WDR72: variants seen among roughly 807,000 people sequenced by gnomAD.
WDR72 encodes WD repeat domain 72, also known as WD repeat-containing protein 72.
WDR72 carries 120 observed loss-of-function variants against 124.2 expected under a neutral mutation model. That is an observed-to-expected ratio of 0.97 (90% CI 0.83 to 1.12). The LOEUF (loss-of-function observed/expected upper bound fraction) is 1.12. WDR72 is among the 50% of genes most tolerant of loss of function. The pLI, the probability that WDR72 is intolerant of heterozygous loss-of-function variation, is 0.00. For synonymous variants in WDR72, 452 were observed against 441.7 expected, an observed-to-expected ratio of 1.02 and a Z score of -0.29; for missense variants, 1,387 against 1,278.8, an observed-to-expected ratio of 1.08 and a Z score of -1.29.
intron 13 of WDR72, among the ~76,000 whole-genome samples, chr15:53,681,837 GCA>G (rs920865562): frequency 3.3e-5 from 5 of 150,850 alleles, no homozygotes; most frequent in African/African-American, 7.3e-5. Flanking sequence ...CAATTAAAAT[GCA>G]CACACACACA....
intron 18 of WDR72, among the ~76,000 whole-genome samples, chr15:53,568,876 A>C (rs2140302590): frequency 6.6e-6 from 1 of 152,174 alleles, no homozygotes; most frequent in African/African-American, 2.4e-5. Flanking sequence ...ATTGATACAT[A>C]CAAATTTGTT....
intron 19 of WDR72, among the ~76,000 whole-genome samples, chr15:53,520,763 T>C (rs1424862903): frequency 1.3e-5 from 2 of 152,034 alleles, no homozygotes; most frequent in African/African-American, 2.4e-5. Context: ...CGTTTGGGCT[T>C]TGAAAAGTGA....
chr15:53,674,286 A>G (rs764906720), intron 13 of WDR72, among the ~76,000 whole-genome samples: 1 of 152,240 alleles, frequency 6.6e-6, no homozygotes, highest in Non-Finnish European at 1.5e-5. Context: ...TCAGGTTTCA[A>G]CAAAACCACT....
chr15:53,607,446 T>C (rs1018806341), intron 17 of WDR72, among the ~76,000 whole-genome samples: 9 of 152,128 alleles, frequency 5.9e-5, no homozygotes, highest in African/African-American at 2.2e-4. Context: ...CTTCAATAAA[T>C]GGTGCTGGGA....
intron 18 of WDR72, among the ~76,000 whole-genome samples, chr15:53,555,119 A>G (rs1211090244): frequency 6.6e-6 from 1 of 152,052 alleles, no homozygotes; most frequent in African/African-American, 2.4e-5. Flanking sequence ...TCTGAGATGG[A>G]GAAGCAAAGA....
intron 18 of WDR72, among the ~76,000 whole-genome samples, chr15:53,537,758 G>T (rs2140247900): frequency 6.6e-6 from 1 of 152,104 alleles, no homozygotes; most frequent in East Asian, 1.9e-4. Context: ...CCAGCCTTAA[G>T]GTCAAGACAT....
At chr15:53,706,820 T>C (rs1456323421) in intron 9 of WDR72, among the ~76,000 whole-genome samples, 1 of 152,016 alleles carries the variant, frequency 6.6e-6, no homozygotes, top group Non-Finnish European at 1.5e-5. Context: ...TGTATATACA[T>C]ATATAATGTT....
At chr15:53,615,284 T>C (rs1454039498) in intron 15 of WDR72, 142 bp downstream of exon 15, 2 of 629,456 alleles carry the variant, frequency 3.2e-6, no homozygotes, top group Non-Finnish European at 5.3e-6. Flanking sequence ...TTTTCTTAAA[T>C]GTTTTTTAAA....
intron 18 of WDR72, among the ~76,000 whole-genome samples, chr15:53,562,299 A>G (rs1894151424): frequency 6.6e-5 from 10 of 151,720 alleles, no homozygotes; most frequent in Admixed American, 6.6e-4. Flanking sequence ...CCTGTGGCCT[A>G]GTTTTCTCTT....
chr15:53,684,016 A>T lies in WDR72; in HGVS notation c.1765+15734T>A, dbSNP rs2016500309. On this transcript the variant is annotated intron_variant, in intron 13 of 19. Coordinates refer to ENST00000360509, the MANE Select transcript of WDR72 (RefSeq NM_182758.4). ...TAACATTTGTAAATAAAATGCATAT[A>T]ATAAAGGATATCAATTAATTTTTAA... 1.3e-5 allele frequency: 2 copies of T among 152,198 alleles called. 1 individual carries two copies. Among genetic ancestry groups the T allele is most frequent in the Non-Finnish European group, 2.9e-5 (2 of 68,028 alleles). The allele number at this position is 152,198 out of a possible 1,614,324, so 9.4% of individuals were successfully genotyped here. A position where few individuals can be genotyped will look rare whatever the true frequency, so the allele number is the denominator to read the frequency against.
intron 18 of WDR72, among the ~76,000 whole-genome samples, chr15:53,581,068 C>CT (rs5812695): frequency 0.34 from 52,333 of 151,898 alleles, 9,551 homozygotes; most frequent in East Asian, 0.49. Flanking sequence ...CATTGACTGA[C>CT]TTATGCTCTC....
At chr15:53,653,578 G>A (rs2015315985) in intron 14 of WDR72, among the ~76,000 whole-genome samples, 4 of 152,078 alleles carry the variant, frequency 2.6e-5, no homozygotes, top group Admixed American at 2.6e-4. Flanking sequence ...TGTAGTTGAC[G>A]TTTTTCATCT....
chr15:53,674,382 C>T (rs1290108880), intron 13 of WDR72, among the ~76,000 whole-genome samples: 1 of 152,198 alleles, frequency 6.6e-6, no homozygotes, highest in African/African-American at 2.4e-5. Flanking sequence ...TTCAGTTACT[C>T]ATGAAGTTCA....
At chr15:53,624,465 A>G (rs2014127660) in intron 14 of WDR72, among the ~76,000 whole-genome samples, 1 of 152,168 alleles carries the variant, frequency 6.6e-6, no homozygotes, top group Admixed American at 6.6e-5. Flanking sequence ...GATCTCCTCA[A>G]CTTCTGGGCC....
At chr15:53,716,492 A>T (rs764098322) in intron 4 of WDR72, 115 bp downstream of exon 4, 879 of 805,656 alleles carry the variant, frequency 1.1e-3, no homozygotes, top group Non-Finnish European at 1.7e-3. Flanking sequence ...TCATGACAAA[A>T]TAAAAATTCA....
At chr15:53,662,714 T>G (rs1194642416) in intron 14 of WDR72, among the ~76,000 whole-genome samples, 1 of 152,084 alleles carries the variant, frequency 6.6e-6, no homozygotes, top group African/African-American at 2.4e-5. Flanking sequence ...AATGGGAAAC[T>G]TATAAGCACC....
Position 53,733,033 on chromosome 15 carries a change from A to C in WDR72, c.117T>G (p.Gly39=). The change falls in exon 2 of 20, where the codon GGT becomes GGG. Residue 39 remains glycine (G), a synonymous_variant. Coordinates refer to ENST00000360509, the MANE Select transcript of WDR72 (RefSeq NM_182758.4). ...GTGAGAGATTCCAGAGACAGAGCTG[A>C]CCCTCTTGACTTCCAGTCACAATCG... ...QRTIVTGSQE[G]QLCLWNLSHE... 1 of 1,614,030 alleles carries C rather than the reference A, an allele frequency of 6.2e-7. No homozygotes were observed. The highest frequency in any genetic ancestry group is 8.5e-7 in the Non-Finnish European group (1 of 1,179,966).
At position 53,656,897 on chromosome 15, in the gene WDR72, G is replaced by C. The variant is rs534057065; in HGVS notation, c.1962+8675C>G. 1.3e-4 allele frequency among the ~76,000 whole-genome samples: 20 copies of C among 152,152 alleles called. No individual in the cohort carries two copies. The East Asian group carries it at 3.9e-3, about 29-fold the overall frequency. On this transcript the variant is annotated intron_variant, in intron 14 of 19. Coordinates refer to ENST00000360509, the MANE Select transcript of WDR72 (RefSeq NM_182758.4). The stretch of plus-strand genomic sequence containing the variant: ...AATAAATAATAACCTCTTTAAGTAG[G>C]TGGGATAGGGTCATCTTTTGGGTAC...
At chr15:53,689,625 A>C (rs2016769382) in intron 13 of WDR72, among the ~76,000 whole-genome samples, 1 of 148,074 alleles carries the variant, frequency 6.8e-6, no homozygotes, top group Admixed American at 6.7e-5. Context: ...GTAGGACTGT[A>C]AACTAGTTCA....
Sources: allele counts gnomAD v4.1 joint callset (sites outside exome capture counted in the v4.1 genomes callset), GRCh38; gene constraint gnomAD v4.1.1; transcripts MANE v1.5; gene names NCBI Gene and HGNC (gene_info 2026-07-23, HGNC 2026-07-21).